SLC8A1: variants seen among roughly 807,000 people sequenced by gnomAD.
SLC8A1 encodes solute carrier family 8 member A1.
Under a neutral mutation model 68.3 loss-of-function variants are expected in SLC8A1, and 18 were observed. The observed-to-expected ratio is 0.26, with a 90% CI of 0.18 to 0.39. The LOEUF is 0.39. SLC8A1 is among the 10% of genes least tolerant of loss of function. The pLI is 1.00. For missense variants in SLC8A1, 985 were observed against 1,156.7 expected (o/e 0.85, Z 2.15); for synonymous variants, 475 against 415.5 (o/e 1.14, Z -1.74).
intron 2 of SLC8A1, among the ~76,000 whole-genome samples, chr2:40,425,761 G>C (rs1199199440): frequency 1.3e-5 from 2 of 151,900 alleles, no homozygotes; most frequent in Non-Finnish European, 2.9e-5. Flanking sequence ...ACTTGGATCT[G>C]ACTGTATGGA....
chr2:40,455,376 A>T (rs1217781806), upstream of SLC8A1, among the ~76,000 whole-genome samples: 1 of 152,184 alleles, frequency 6.6e-6, no homozygotes, highest in African/African-American at 2.4e-5. Flanking sequence ...TTTTACTTTG[A>T]ATTACATAAA....
intron 7 of SLC8A1, among the ~76,000 whole-genome samples, chr2:40,121,932 G>A (rs955489663): frequency 1.3e-5 from 2 of 152,100 alleles, no homozygotes; most frequent in Admixed American, 6.5e-5. Context: ...AGACATTAGA[G>A]CTCTTTTGGT....
chr2:40,220,693 C>G (rs886183429), intron 2 of SLC8A1, among the ~76,000 whole-genome samples: 2 of 151,782 alleles, frequency 1.3e-5, no homozygotes, highest in Non-Finnish European at 2.9e-5. Flanking sequence ...GGTGAAAAGT[C>G]TTCTTGGCTT....
intron 2 of SLC8A1, among the ~76,000 whole-genome samples, chr2:40,257,267 T>C (rs1294258943): frequency 6.6e-6 from 1 of 152,160 alleles, no homozygotes; most frequent in Admixed American, 6.5e-5. Flanking sequence ...CGTACTCTAG[T>C]GCCTTCCTAA....
chr2:40,267,023 G>T (rs2065444017), intron 2 of SLC8A1, among the ~76,000 whole-genome samples: 1 of 152,138 alleles, frequency 6.6e-6, no homozygotes, highest in Non-Finnish European at 1.5e-5. Flanking sequence ...TGTATGTGGG[G>T]TTCATCAGCA....
intron 2 of SLC8A1, among the ~76,000 whole-genome samples, chr2:40,332,498 G>A (rs376419558): frequency 2.3e-4 from 35 of 152,250 alleles, no homozygotes; most frequent in African/African-American, 7.9e-4. Flanking sequence ...TTTAATGAAA[G>A]AACTCCAGTC....
intron 7 of SLC8A1, among the ~76,000 whole-genome samples, chr2:40,126,596 T>C (rs563421137): frequency 6.6e-6 from 1 of 152,222 alleles, no homozygotes; most frequent in Admixed American, 6.5e-5. Context: ...TTTCTGGGAC[T>C]AGACCTGCCT....
chr2:40,175,184 G>A, intron 3 of SLC8A1, 77 bp downstream of exon 4: 1 of 1,396,562 alleles, frequency 7.2e-7, no homozygotes, highest in Admixed American at 1.7e-5. Flanking sequence ...AAAAGTCACA[G>A]AGCTACTGTA....
intron 2 of SLC8A1, among the ~76,000 whole-genome samples, chr2:40,218,226 T>A (rs985242673): frequency 2.6e-5 from 4 of 152,242 alleles, no homozygotes; most frequent in Admixed American, 6.5e-5. Context: ...GCACCTGAAC[T>A]GCTAGGCTTA....
exon 8 of SLC8A1, chr2:40,104,507 G>T (rs1020900588): frequency 5.3e-5 from 8 of 152,140 alleles, no homozygotes; most frequent in Non-Finnish European, 8.8e-5. Flanking sequence ...TTCTATTTCT[G>T]TTAGAGGAAA....
chr2:40,500,082 T>C (rs1705959369), intron 1 of SLC8A1, among the ~76,000 whole-genome samples: 2 of 152,050 alleles, frequency 1.3e-5, no homozygotes. Flanking sequence ...CAATTCATCA[T>C]CTTGTACACA....
chr2:40,397,533 G>A (rs1576094207), intron 2 of SLC8A1, among the ~76,000 whole-genome samples: 1 of 152,260 alleles, frequency 6.6e-6, no homozygotes, highest in Middle Eastern at 3.4e-3. Context: ...AACCATCTAC[G>A]CACTTGAAAG....
At chr2:40,227,299 TTCTC>T (rs2059103784) in intron 2 of SLC8A1, among the ~76,000 whole-genome samples, 1 of 152,086 alleles carries the variant, frequency 6.6e-6, no homozygotes, top group Non-Finnish European at 1.5e-5. Flanking sequence ...CTGTTTTTCT[TTCTC>T]ACCACTCCAG....
intron 1 of SLC8A1, among the ~76,000 whole-genome samples, chr2:40,435,736 C>G (rs546708290): frequency 6.6e-6 from 1 of 151,884 alleles, no homozygotes; most frequent in Admixed American, 6.6e-5. Flanking sequence ...CACTGTTGGC[C>G]CTTTCCCCTA....
intron 7 of SLC8A1, among the ~76,000 whole-genome samples, chr2:40,122,419 A>T (rs1400613137): frequency 6.6e-6 from 1 of 152,198 alleles, no homozygotes; most frequent in African/African-American, 2.4e-5. Flanking sequence ...AAGAGGGTAA[A>T]GAAGAAATGG....
At chr2:40,178,658 A>G (rs1258454674) in intron 2 of SLC8A1, among the ~76,000 whole-genome samples, 165 bp from the exon 3 acceptor site, 1 of 152,232 alleles carries the variant, frequency 6.6e-6, no homozygotes, top group East Asian at 1.9e-4. Flanking sequence ...TCAGATAGGT[A>G]TGAAAGATCA....
chr2:40,191,418 T>A (rs2051814376), intron 2 of SLC8A1, among the ~76,000 whole-genome samples: 1 of 152,214 alleles, frequency 6.6e-6, no homozygotes, highest in Admixed American at 6.6e-5. Context: ...CAAGATAAAA[T>A]CAGCAAGACA....
At chr2:40,370,597 C>T (rs1287410905) in intron 2 of SLC8A1, among the ~76,000 whole-genome samples, 3 of 151,982 alleles carry the variant, frequency 2.0e-5, no homozygotes, top group Non-Finnish European at 4.4e-5. Context: ...GAGCTTTCTG[C>T]CAAAACTACA....
At chr2:40,167,443 A>C (rs2046737696) in intron 4 of SLC8A1, among the ~76,000 whole-genome samples, 1 of 152,222 alleles carries the variant, frequency 6.6e-6, no homozygotes, top group African/African-American at 2.4e-5. Context: ...AACTTAATAA[A>C]GTATAAACAT....
Sources: gnomAD v4.1 joint callset for allele counts (sites outside exome capture counted in the v4.1 genomes callset) on GRCh38, gnomAD v4.1.1 for gene constraint, MANE v1.5 for transcripts, NCBI Gene and HGNC (gene_info 2026-07-23, HGNC 2026-07-21) for gene names.